Variants in DNAI1 observed in about 807,000 individuals in gnomAD.
The protein encoded by DNAI1 is dynein axonemal intermediate chain 1, also known as dynein, axonemal, intermediate polypeptide 1.
In DNAI1, 67 loss-of-function variants were observed where a neutral mutation model predicts 92.0. That is an observed-to-expected ratio of 0.73 (90% CI 0.60 to 0.89). The LOEUF is 0.89. Ranked by LOEUF, DNAI1 falls within the 40% of genes least tolerant of loss-of-function variation. The pLI, the probability that DNAI1 is intolerant of heterozygous loss-of-function variation, is 0.00. For missense variants in DNAI1, 839 were observed against 866.6 expected (o/e 0.97, Z 0.40); for synonymous variants, 323 against 319.6 (o/e 1.01, Z -0.11).
At chr9:34,476,792 A>C (rs1224928313) in intron 1 of DNAI1, among the ~76,000 whole-genome samples, 1 of 152,194 alleles carries the variant, frequency 6.6e-6, no homozygotes, top group Non-Finnish European at 1.5e-5. Context: ...CTCCCTTCTA[A>C]ATCAGCCACT....
At chr9:34,487,748 C>A in intron 4 of DNAI1, among the ~76,000 whole-genome samples, 1 of 152,118 alleles carries the variant, frequency 6.6e-6, no homozygotes, top group Non-Finnish European at 1.5e-5. Flanking sequence ...CATTTAGGAG[C>A]CCAAGTCTTC....
chr9:34,496,998 G>A, intron 9 of DNAI1, 117 bp from the exon 10 acceptor site: 1 of 811,516 alleles, frequency 1.2e-6, no homozygotes, highest in Non-Finnish European at 2.2e-6. Flanking sequence ...AGAGCTATCT[G>A]GGGTGAGTAG....
At chr9:34,491,991 G>T (rs1824610235) in intron 8 of DNAI1, among the ~76,000 whole-genome samples, 1 of 152,084 alleles carries the variant, frequency 6.6e-6, no homozygotes, top group Non-Finnish European at 1.5e-5. Flanking sequence ...CTCCTGGATG[G>T]CCACACTTAT....
intron 1 of DNAI1, among the ~76,000 whole-genome samples, chr9:34,477,758 C>G (rs1199977473): frequency 6.6e-6 from 1 of 151,876 alleles, no homozygotes; most frequent in Non-Finnish European, 1.5e-5. Flanking sequence ...AGGGGGAATC[C>G]TGGAGGAAGT....
In DNAI1 at chr9:34,513,207, G is replaced by T; in HGVS notation, c.1569+16G>T. On this transcript the variant is annotated intron_variant, in intron 16 of 19. Coordinates refer to ENST00000242317, the MANE Select transcript of DNAI1 (RefSeq NM_012144.4). ...AATCTACAAGGTGAGGCTGCCCTGT[G>T]CCAGCTCCTTAGAAGGCCGCTTAGA... is the stretch of plus-strand genomic sequence containing the variant. 1 of 1,609,386 alleles carries T rather than the reference G, an allele frequency of 6.2e-7. No homozygotes were observed. The highest frequency in any genetic ancestry group is 8.5e-7 in the Non-Finnish European group (1 of 1,175,662).
chr9:34,513,058 T>C, intron 15 of DNAI1, 54 bp from the exon 16 acceptor site: 1 of 1,427,728 alleles, frequency 7.0e-7, no homozygotes. Context: ...GGGGAGGCAC[T>C]GGGAGCCTCC....
chr9:34,510,621 AC>A (rs1218490334), intron 13 of DNAI1, among the ~76,000 whole-genome samples: 2 of 152,064 alleles, frequency 1.3e-5, no homozygotes, highest in Non-Finnish European at 2.9e-5. Flanking sequence ...ACACACATAC[AC>A]AGTCACTTGC....
At chr9:34,474,503 C>A (rs956761501) in intron 1 of DNAI1, among the ~76,000 whole-genome samples, 57 of 149,654 alleles carry the variant, frequency 3.8e-4, no homozygotes, top group African/African-American at 1.4e-3. Flanking sequence ...TCCCAAAATG[C>A]TGGGAGTACA....
At chr9:34,491,450 G>A (rs1824589001) in intron 7 of DNAI1, 45 bp from the exon 8 acceptor site, 1 of 1,605,248 alleles carries the variant, frequency 6.2e-7, no homozygotes, top group Admixed American at 1.7e-5. Context: ...TAAGTGAGAA[G>A]GAGTTGAGGG....
At chr9:34,459,381 G>A (rs1823895541) in intron 1 of DNAI1, among the ~76,000 whole-genome samples, 1 of 151,398 alleles carries the variant, frequency 6.6e-6, no homozygotes, top group South Asian at 2.1e-4. Flanking sequence ...ATTCCCACGA[G>A]TCCCTTCCTC....
chr9:34,469,340 A>C (rs1010347207), intron 1 of DNAI1, among the ~76,000 whole-genome samples: 33 of 137,552 alleles, frequency 2.4e-4, no homozygotes, highest in African/African-American at 9.2e-4. Context: ...CTCACAGCTC[A>C]CTGGAGACTT....
intron 1 of DNAI1, among the ~76,000 whole-genome samples, chr9:34,480,582 G>A (rs988245080): frequency 3.9e-5 from 6 of 151,994 alleles, no homozygotes; most frequent in African/African-American, 1.5e-4. Context: ...TGTACATGAT[G>A]TTTTCTTCTG....
At chr9:34,506,903 A>C in intron 13 of DNAI1, 29 bp downstream of exon 13, 1 of 1,608,372 alleles carries the variant, frequency 6.2e-7, no homozygotes, top group Non-Finnish European at 8.5e-7. Flanking sequence ...AGGGGTGGGG[A>C]TGGGAGCAGC....
chr9:34,502,246 G>A (rs535879306), intron 12 of DNAI1, among the ~76,000 whole-genome samples: 192 of 152,302 alleles, frequency 1.3e-3, no homozygotes, highest in African/African-American at 4.4e-3. Flanking sequence ...CCGCCTTTGA[G>A]GATGCCCTAA....
intron 18 of DNAI1, among the ~76,000 whole-genome samples, chr9:34,515,271 G>C (rs562974178): frequency 1.3e-5 from 2 of 152,312 alleles, no homozygotes; most frequent in South Asian, 4.1e-4. Context: ...TATGGACTTT[G>C]ATATAAACTG....
intron 13 of DNAI1, among the ~76,000 whole-genome samples, chr9:34,510,729 TC>T (rs1308400109): frequency 6.6e-6 from 1 of 152,020 alleles, no homozygotes; most frequent in Non-Finnish European, 1.5e-5. Context: ...ATTAAACACT[TC>T]CCTTTGCAGC....
At chr9:34,474,567 CTT>C (rs55701117) in intron 1 of DNAI1, among the ~76,000 whole-genome samples, 19 of 107,848 alleles carry the variant, frequency 1.8e-4, no homozygotes, top group Admixed American at 8.7e-4. Flanking sequence ...TTTTTTTTTC[CTT>C]TTTTTTTTTT....
intron 2 of DNAI1, chr9:34,484,900 C>A: frequency 2.1e-6 from 1 of 474,124 alleles, no homozygotes; most frequent in Non-Finnish European, 3.9e-6. Context: ...CCTACCACAA[C>A]ATTCCAAGTT....
chr9:34,470,518 C>T (rs913313911), intron 1 of DNAI1, among the ~76,000 whole-genome samples: 2 of 152,010 alleles, frequency 1.3e-5, no homozygotes, highest in Admixed American at 1.3e-4. Context: ...TAAATGGGGA[C>T]ATTTTAAAAT....
Sources: gnomAD v4.1 joint callset for allele counts (sites outside exome capture counted in the v4.1 genomes callset) on GRCh38, gnomAD v4.1.1 for gene constraint, MANE v1.5 for transcripts, NCBI Gene and HGNC (gene_info 2026-07-23, HGNC 2026-07-21) for gene names.